Variants in OPCML observed in about 807,000 individuals in gnomAD.
The protein encoded by OPCML is opioid-binding protein/cell adhesion molecule.
Under a neutral mutation model 37.8 loss-of-function variants are expected in OPCML, and 13 were observed. That is an observed-to-expected ratio of 0.34 (90% CI 0.22 to 0.55). The LOEUF is 0.55. Ranked by LOEUF, OPCML falls within the 20% of genes least tolerant of loss-of-function variation. The pLI is 0.91. For synonymous variants in OPCML, 176 were observed against 168.8 expected (o/e 1.04, Z -0.33); for missense variants, 341 against 435.6 (o/e 0.78, Z 1.93).
chr11:132,738,917 C>A (rs1403888245), intron 2 of OPCML, among the ~76,000 whole-genome samples: 1 of 152,008 alleles, frequency 6.6e-6, no homozygotes, highest in Non-Finnish European at 1.5e-5. Flanking sequence ...TATGCTAACC[C>A]AAAATATGCC....
chr11:132,748,983 C>T (rs1301658259), intron 2 of OPCML, among the ~76,000 whole-genome samples: 1 of 152,096 alleles, frequency 6.6e-6, no homozygotes, highest in Non-Finnish European at 1.5e-5. Flanking sequence ...TGTGCCTTCT[C>T]CTCCCTAAAA....
intron 2 of OPCML, among the ~76,000 whole-genome samples, chr11:132,670,929 T>A (rs937250739): frequency 6.6e-6 from 1 of 152,168 alleles, no homozygotes; most frequent in Non-Finnish European, 1.5e-5. Context: ...AAGTAGGACA[T>A]CCATCTCTTC....
intron 2 of OPCML, among the ~76,000 whole-genome samples, chr11:132,826,363 G>A (rs894790446): frequency 2.6e-5 from 4 of 152,190 alleles, no homozygotes; most frequent in African/African-American, 9.7e-5. Context: ...GCCAGGAAGG[G>A]TTTCTTATCT....
intron 1 of OPCML, among the ~76,000 whole-genome samples, chr11:133,171,145 C>T (rs77070168): frequency 0.016 from 2,426 of 152,328 alleles, 53 homozygotes; most frequent in African/African-American, 0.054. Context: ...CTTTGTTTTA[C>T]TTGAGAATTG....
At chr11:132,498,472 G>A (rs570459005) in intron 4 of OPCML, among the ~76,000 whole-genome samples, 13 of 152,212 alleles carry the variant, frequency 8.5e-5, no homozygotes, top group Non-Finnish European at 1.8e-4. Context: ...TACAGGTTCA[G>A]TATTATATCT....
At chr11:132,670,460 A>G (rs968723751) in intron 2 of OPCML, among the ~76,000 whole-genome samples, 2 of 152,190 alleles carry the variant, frequency 1.3e-5, no homozygotes, top group African/African-American at 2.4e-5. Flanking sequence ...TTTTTGGTTC[A>G]AATGAAACTC....
At chr11:132,571,621 A>T (rs76166146) in intron 3 of OPCML, among the ~76,000 whole-genome samples, 1 of 152,164 alleles carries the variant, frequency 6.6e-6, no homozygotes. Context: ...TGTAACTCTG[A>T]GTACTATTCT....
intron 1 of OPCML, among the ~76,000 whole-genome samples, chr11:133,225,371 C>A (rs1939997734): frequency 6.6e-6 from 1 of 152,150 alleles, no homozygotes; most frequent in African/African-American, 2.4e-5. Context: ...CTTCTTAGAT[C>A]CAAACATTGG....
At chr11:133,273,827 G>A (rs1254455087) in intron 1 of OPCML, among the ~76,000 whole-genome samples, 2 of 152,178 alleles carry the variant, frequency 1.3e-5, no homozygotes, top group Admixed American at 6.5e-5. Flanking sequence ...ATTATCAATG[G>A]AATCTTTCAA....
intron 2 of OPCML, among the ~76,000 whole-genome samples, chr11:132,709,242 C>A (rs1462264478): frequency 6.6e-6 from 1 of 152,124 alleles, no homozygotes; most frequent in Non-Finnish European, 1.5e-5. Flanking sequence ...TTCAAGCAGG[C>A]ATTTTTTTCT....
intron 2 of OPCML, among the ~76,000 whole-genome samples, chr11:132,675,888 T>G (rs1942680252): frequency 6.6e-6 from 1 of 152,152 alleles, no homozygotes; most frequent in African/African-American, 2.4e-5. Context: ...ACAGAGTCGA[T>G]GCAGTCTTTA....
chr11:133,457,087 A>G (rs372660070), intron 1 of OPCML, among the ~76,000 whole-genome samples: 19 of 152,246 alleles, frequency 1.2e-4, no homozygotes, highest in African/African-American at 4.1e-4. Flanking sequence ...TGACACAGAC[A>G]AAGAGAATCT....
intron 4 of OPCML, among the ~76,000 whole-genome samples, chr11:132,499,411 A>G (rs1281712533): frequency 6.6e-6 from 1 of 152,160 alleles, no homozygotes; most frequent in African/African-American, 2.4e-5. Context: ...CCTCATCACT[A>G]TGCCGTAGGT....
chr11:133,006,342 A>G, intron 1 of OPCML: 1 of 665,220 alleles, frequency 1.5e-6, no homozygotes, highest in Non-Finnish European at 1.9e-6. Context: ...ACCCTATCTT[A>G]CTACCATTGA....
At chr11:132,750,424 G>C (rs1472005240) in intron 2 of OPCML, among the ~76,000 whole-genome samples, 1 of 152,138 alleles carries the variant, frequency 6.6e-6, no homozygotes, top group Non-Finnish European at 1.5e-5. Context: ...ACAGGTGGAG[G>C]CTCAATCTAT....
chr11:133,372,467 G>A (rs182474353), intron 1 of OPCML, among the ~76,000 whole-genome samples: 2 of 152,282 alleles, frequency 1.3e-5, no homozygotes, highest in Admixed American at 1.3e-4. Context: ...GATTAAATGA[G>A]AAATGCATAT....
intron 4 of OPCML, among the ~76,000 whole-genome samples, chr11:132,511,343 T>C (rs2096268486): frequency 6.6e-6 from 1 of 152,150 alleles, no homozygotes; most frequent in Admixed American, 6.5e-5. Flanking sequence ...AAATGTCAAC[T>C]GTTCCAAAAT....
At chr11:132,540,494 A>G (rs182569416) in intron 3 of OPCML, among the ~76,000 whole-genome samples, 122 of 152,292 alleles carry the variant, frequency 8.0e-4, no homozygotes, top group African/African-American at 2.7e-3. Context: ...ACATCCAATT[A>G]TTTGAGGCAG....
rs75593054 is a variant in OPCML, at chr11:133,473,354, G to A, written c.61+58910C>T. Reference sequence around the variant, plus strand: ...GATGCTAGCTTTCTCCTGCAGCATCGAAATTCCTGTGAAAATGTTTGTTCA... The same window carrying A: ...GATGCTAGCTTTCTCCTGCAGCATCAAAATTCCTGTGAAAATGTTTGTTCA... On this transcript the variant is annotated intron_variant, in intron 1 of 7. Transcript: ENST00000524381. Among the ~76,000 whole-genome samples, 627 of 152,204 alleles carry A rather than the reference G, an allele frequency of 4.1e-3. 20 individuals carry two copies. The East Asian group carries it at 0.091, about 22-fold the overall frequency.
Sources: gnomAD v4.1 joint callset for allele counts (sites outside exome capture counted in the v4.1 genomes callset) on GRCh38, gnomAD v4.1.1 for gene constraint, MANE v1.5 for transcripts, NCBI Gene and HGNC (gene_info 2026-07-23, HGNC 2026-07-21) for gene names.